Variants in CACNA1D observed in about 807,000 individuals in gnomAD.
The protein encoded by CACNA1D is voltage-dependent L-type calcium channel subunit alpha-1D.
CACNA1D carries 55 observed loss-of-function variants against 257.1 expected under a neutral mutation model. The observed-to-expected ratio is 0.21, with a 90% confidence interval of 0.17 to 0.27. CACNA1D has a LOEUF of 0.27. CACNA1D is among the 10% of genes least tolerant of loss of function. CACNA1D has a pLI of 1.00. For missense variants in CACNA1D, 1,876 were observed against 2,784.0 expected (o/e 0.67, Z 7.34); for synonymous variants, 980 against 1,014.9 (o/e 0.97, Z 0.65).
In CACNA1D at chr3:53,501,700, A is replaced by G. The variant is rs2107130131; in HGVS notation, c.463A>G (p.Asn155Asp). Reference sequence around the variant, plus strand: ...CATCCCATTCCCTGAAGATGATTCTAATTCAACAAATCATAACTTGGTAAG... The same window carrying G: ...CATCCCATTCCCTGAAGATGATTCTGATTCAACAAATCATAACTTGGTAAG... ...IYIPFPEDDS[N>D]STNHNLEKVE... The change falls in exon 3 of 48, where the codon AAT (asparagine) becomes GAT (aspartate). Residue 155 changes from asparagine (N) to aspartate (D), a missense_variant. By Grantham distance (23) the Asn-to-Asp change is conservative (BLOSUM62 1). Transcript: ENST00000350061. 1.3e-6 allele frequency: 2 copies of G among 1,585,010 alleles called. No homozygotes were observed. Among genetic ancestry groups the G allele is most frequent in the South Asian group, 2.2e-5 (2 of 90,516 alleles).
intron 3 of CACNA1D, among the ~76,000 whole-genome samples, chr3:53,644,389 A>G (rs779194537): frequency 1.3e-5 from 2 of 152,224 alleles, no homozygotes; most frequent in Non-Finnish European, 2.9e-5. Flanking sequence ...TATAGCCACT[A>G]TGTTGTACAA....
rs150276973 is a variant in CACNA1D, at chr3:53,696,990, C to T, written c.1221-5651C>T. Reference sequence around the variant, plus strand: ...GCAAGCTCTGATGAAATGCTCTGGCCGCAGCTCCTGTGGCTGCCCAGGGAA... The same window carrying T: ...GCAAGCTCTGATGAAATGCTCTGGCTGCAGCTCCTGTGGCTGCCCAGGGAA... On this transcript the variant is annotated intron_variant, in intron 8 of 47. Coordinates refer to ENST00000350061, the MANE Select transcript of CACNA1D (RefSeq NM_001128840.3). Among the ~76,000 whole-genome samples, 332 of 152,152 alleles carry T rather than the reference C, an allele frequency of 2.2e-3. 3 individuals carry two copies. The highest frequency in any genetic ancestry group is 7.8e-3 in the African/African-American group (322 of 41,500).
intron 4 of CACNA1D, among the ~76,000 whole-genome samples, chr3:53,655,055 G>A (rs1174509234): frequency 1.3e-5 from 2 of 152,150 alleles, no homozygotes; most frequent in African/African-American, 2.4e-5. Context: ...ACTTATAAGT[G>A]AGAACGTGTG....
In CACNA1D at chr3:53,751,794, T is replaced by C. The variant is rs1224782621; in HGVS notation, c.3562T>C (p.Tyr1188His). The C allele has an allele frequency of 6.2e-7, 1 of 1,614,176 alleles. No individual in the cohort carries two copies. Among genetic ancestry groups the C allele is most frequent in the Admixed American group, 1.7e-5 (1 of 60,032 alleles). The change falls in exon 28 of 48, where the codon TAC becomes CAC. Residue 1188 changes from tyrosine to histidine, a missense_variant. Coordinates refer to ENST00000350061, the MANE Select transcript of CACNA1D (RefSeq NM_001128840.3). The surrounding 1 kb of genome is among the most constrained non-coding windows in gnomAD (Gnocchi z 4.3). ...YALKARPLRRYIPKNPYQYKF... is the reference protein window; with the variant it reads ...YALKARPLRRHIPKNPYQYKF... ...CTTGAAAGCACGTCCCTTGCGGAGA[T>C]ACATCCCCAAAAACCCCTACCAGTA...
chr3:53,795,075 C>T (rs2095501635), intron 40 of CACNA1D, among the ~76,000 whole-genome samples: 1 of 152,210 alleles, frequency 6.6e-6, no homozygotes, highest in South Asian at 2.1e-4. Flanking sequence ...TGCCTGTGTC[C>T]CCATTCGTCT....
At chr3:53,572,374 G>A (rs2633713) in intron 3 of CACNA1D, among the ~76,000 whole-genome samples, 103,403 of 141,084 alleles carry the variant, frequency 0.73, 38,836 homozygotes, top group South Asian at 0.83. Flanking sequence ...TTGTTTGTTT[G>A]TTTATTTATT....
In CACNA1D at chr3:53,744,767, T is replaced by A; in HGVS notation, c.2946T>A (p.Ile982=). The A allele has an allele frequency of 6.2e-7, 1 of 1,610,072 alleles. No individual in the cohort carries two copies. The highest frequency in any genetic ancestry group is 8.5e-7 in the Non-Finnish European group (1 of 1,176,258). The stretch of plus-strand genomic sequence containing the variant: ...CCAGTGCCATCTCCGTTGTGAAGAT[T>A]CTGAGGGTCTTAAGGGTCCTGCGTC... The part of the protein sequence containing the change: ...IQSSAISVVK[I]LRVLRVLRPL... The change falls in exon 23 of 48, where the codon ATT becomes ATA. Residue 982 remains isoleucine (I), a synonymous_variant. Coordinates refer to ENST00000350061, the MANE Select transcript of CACNA1D (RefSeq NM_001128840.3).
chr3:53,716,463 T>G (rs1156259952), intron 9 of CACNA1D, among the ~76,000 whole-genome samples: 1 of 152,140 alleles, frequency 6.6e-6, no homozygotes, highest in African/African-American at 2.4e-5. Context: ...TGAATCAGAG[T>G]GAGGAACAGT....
At chr3:53,719,876 T>G (rs2108692599) in intron 11 of CACNA1D, 95 bp downstream of exon 11, 4 of 1,138,104 alleles carry the variant, frequency 3.5e-6, no homozygotes, top group Non-Finnish European at 5.4e-6. Flanking sequence ...GGACTTGAGT[T>G]TTCCTCTGTG....
intron 40 of CACNA1D, among the ~76,000 whole-genome samples, chr3:53,788,165 CTGTG>C (rs1256942068): frequency 1.3e-5 from 2 of 151,974 alleles, no homozygotes; most frequent in African/African-American, 2.4e-5. Context: ...CAAACATGAG[CTGTG>C]TGTGTGTATC....
At chr3:53,549,538 T>G (rs2092485149) in intron 3 of CACNA1D, among the ~76,000 whole-genome samples, 1 of 152,178 alleles carries the variant, frequency 6.6e-6, no homozygotes, top group Non-Finnish European at 1.5e-5. Flanking sequence ...TGATTTCTAG[T>G]TGGGGACATT....
At position 53,774,443 on chromosome 3, in the gene CACNA1D, T is replaced by C; in HGVS notation, c.4111-144T>C. On this transcript the variant is annotated intron_variant, in intron 33 of 47. Coordinates refer to ENST00000350061, the MANE Select transcript of CACNA1D (RefSeq NM_001128840.3). The surrounding 1 kb of genome is among the most constrained non-coding windows in gnomAD (Gnocchi z 4.3). ...CTGGCACATGGTTGTGCCTGGCAGA[T>C]CTTTTTTGAATGAGTGAAGTGCCAG... 1.5e-6 allele frequency: 1 copy of C among 671,690 alleles called. No individual in the cohort carries two copies. The highest frequency in any genetic ancestry group is 2.7e-5 in the East Asian group (1 of 37,292). 41.6% of individuals were successfully genotyped at this position (671,690 alleles called of 1,614,324 possible).
intron 29 of CACNA1D, among the ~76,000 whole-genome samples, chr3:53,760,749 T>C (rs909787466): frequency 2.0e-5 from 3 of 152,194 alleles, no homozygotes; most frequent in Admixed American, 1.3e-4. Context: ...CCCTCAAAAT[T>C]GTTGCAAGAT....
intron 15 of CACNA1D, among the ~76,000 whole-genome samples, chr3:53,727,966 CAT>C (rs977491414): frequency 1.2e-4 from 19 of 152,126 alleles, no homozygotes; most frequent in Non-Finnish European, 2.4e-4. Flanking sequence ...CATCTCAACA[CAT>C]ATACATCCTT....
intron 3 of CACNA1D, among the ~76,000 whole-genome samples, chr3:53,645,500 G>A (rs761208945): frequency 1.4e-4 from 21 of 152,102 alleles, no homozygotes; most frequent in Non-Finnish European, 2.1e-4. Flanking sequence ...TGTATATGGG[G>A]TGAGAGAAGG....
At chr3:53,561,891 C>G (rs1387539468) in intron 3 of CACNA1D, among the ~76,000 whole-genome samples, 1 of 152,072 alleles carries the variant, frequency 6.6e-6, no homozygotes, top group Non-Finnish European at 1.5e-5. Flanking sequence ...ATTTTTTTAT[C>G]CCTTTTACAT....
intron 20 of CACNA1D, 36 bp downstream of exon 20, chr3:53,735,539 C>T (rs1463471786): frequency 1.2e-6 from 2 of 1,611,904 alleles, no homozygotes; most frequent in Non-Finnish European, 8.5e-7. Flanking sequence ...CTGGGATAGC[C>T]CTGGCCTCTC....
intron 39 of CACNA1D, 23 bp from the exon 40 acceptor site, chr3:53,786,799 C>T: frequency 6.7e-7 from 1 of 1,503,688 alleles, no homozygotes; most frequent in South Asian, 1.1e-5. Flanking sequence ...TTCGGGAGAG[C>T]TCTGTCTGGT....
At chr3:53,741,467 G>GT in intron 21 of CACNA1D, among the ~76,000 whole-genome samples, 1 of 152,200 alleles carries the variant, frequency 6.6e-6, no homozygotes, top group Middle Eastern at 3.4e-3. Flanking sequence ...TTTGAGGTTG[G>GT]TTTTTTTATT....
Sources: allele counts gnomAD v4.1 joint callset (sites outside exome capture counted in the v4.1 genomes callset), GRCh38; gene constraint gnomAD v4.1.1; non-coding constraint Gnocchi (gnomAD v3.1); transcripts MANE v1.5; gene names NCBI Gene and HGNC (gene_info 2026-07-23, HGNC 2026-07-21).